The following ARHGAP10 variants were observed in gnomAD, a reference collection of about 807,000 sequenced individuals.
The protein encoded by ARHGAP10 is rho GTPase-activating protein 10.
A neutral mutation model predicts 108.6 loss-of-function variants in ARHGAP10; 87 were observed. That is an observed-to-expected ratio of 0.80 (90% CI 0.67 to 0.96). ARHGAP10 has a LOEUF of 0.96. Ranked by LOEUF, ARHGAP10 falls within the 40% of genes least tolerant of loss-of-function variation. The probability of loss-of-function intolerance (pLI) is 0.00; values close to 1 mark genes in which losing one functional copy is unlikely to be tolerated. For missense variants in ARHGAP10, 939 were observed against 954.5 expected, an observed-to-expected ratio of 0.98 and a Z score of 0.21; for synonymous variants, 347 against 341.1, an observed-to-expected ratio of 1.02 and a Z score of -0.19.
chr4:148,071,373 T>G (rs977569939), intron 22 of ARHGAP10, among the ~76,000 whole-genome samples: 1 of 152,254 alleles, frequency 6.6e-6, no homozygotes, highest in African/African-American at 2.4e-5. Flanking sequence ...CCCAGCACTC[T>G]GGGGGGCCAA....
In ARHGAP10 at chr4:148,003,483, C is replaced by G. The variant is rs1054399830; in HGVS notation, c.1717-19780C>G. Reference sequence around the variant, plus strand: ...CCTGGATATCCTTAACTTTCTGTCTCGTTGATCTGTCTAATGTTGACAGTG... The same window carrying G: ...CCTGGATATCCTTAACTTTCTGTCTGGTTGATCTGTCTAATGTTGACAGTG... On this transcript the variant is annotated intron_variant, in intron 18 of 22. Transcript: ENST00000336498. Among the ~76,000 whole-genome samples, 4 of 152,106 alleles carry G rather than the reference C, an allele frequency of 2.6e-5. No individual in the cohort carries two copies. The South Asian group carries it at 8.3e-4, about 32-fold the overall frequency.
chr4:147,810,658 A>AC (rs1731980165), intron 1 of ARHGAP10, among the ~76,000 whole-genome samples: 1 of 152,184 alleles, frequency 6.6e-6, no homozygotes, highest in Non-Finnish European at 1.5e-5. Flanking sequence ...TGGAGAACCT[A>AC]AATGCACATA....
intron 3 of ARHGAP10, among the ~76,000 whole-genome samples, chr4:147,834,557 A>G (rs1484143189): frequency 1.3e-5 from 2 of 152,160 alleles, no homozygotes; most frequent in African/African-American, 4.8e-5. Context: ...CAATAATGCC[A>G]GACTGGGGAT....
At chr4:147,907,210 G>C (rs988583704) in intron 11 of ARHGAP10, among the ~76,000 whole-genome samples, 1 of 152,156 alleles carries the variant, frequency 6.6e-6, no homozygotes, top group Non-Finnish European at 1.5e-5. Context: ...TCGGTATTCA[G>C]AGTGCTTTGA....
intron 1 of ARHGAP10, among the ~76,000 whole-genome samples, chr4:147,776,387 T>C (rs1022029003): frequency 1.3e-5 from 2 of 152,026 alleles, no homozygotes; most frequent in African/African-American, 4.8e-5. Flanking sequence ...ACCCAGCTAA[T>C]TTTTGTATTT....
At chr4:147,846,156 G>A (rs1359631267) in intron 3 of ARHGAP10, among the ~76,000 whole-genome samples, 3 of 152,116 alleles carry the variant, frequency 2.0e-5, no homozygotes, top group African/African-American at 4.8e-5. Flanking sequence ...GGGCATAGTC[G>A]CTTATTTTGA....
intron 3 of ARHGAP10, among the ~76,000 whole-genome samples, chr4:147,844,935 C>T (rs1009333351): frequency 6.6e-6 from 1 of 152,118 alleles, no homozygotes; most frequent in Non-Finnish European, 1.5e-5. Flanking sequence ...TGTGGCTTTC[C>T]ACTGTACCCC....
intron 19 of ARHGAP10, among the ~76,000 whole-genome samples, chr4:148,030,001 C>CCA (rs147863550): frequency 0.012 from 1,826 of 151,802 alleles, 40 homozygotes; most frequent in African/African-American, 0.042. Context: ...GCATCCCCCC[C>CCA]CCCACCAACC....
Position 148,034,522 on chromosome 4 carries a change from T to C in ARHGAP10, c.1867+11109T>C, listed in dbSNP as rs1578810956. 9.4e-5 allele frequency among the ~76,000 whole-genome samples: 14 copies of C among 149,460 alleles called. 1 individual carries two copies. The South Asian group carries it at 3.0e-3, about 32-fold the overall frequency. On this transcript the variant is annotated intron_variant, in intron 19 of 22. Transcript: ENST00000336498. Reference sequence around the variant, plus strand: ...TTTTTGTATTTTTAGTAGAGACAGGTTTCACCCTGTTGGCCAGGCTGGTCT... The same window carrying C: ...TTTTTGTATTTTTAGTAGAGACAGGCTTCACCCTGTTGGCCAGGCTGGTCT...
chr4:147,879,661 A>G (rs796905915), intron 9 of ARHGAP10, among the ~76,000 whole-genome samples: 6 of 152,152 alleles, frequency 3.9e-5, no homozygotes, highest in African/African-American at 1.4e-4. Context: ...CATCATCTAC[A>G]TTAGATATTT....
intron 3 of ARHGAP10, among the ~76,000 whole-genome samples, chr4:147,834,449 T>A (rs573161148): frequency 5.1e-4 from 77 of 152,212 alleles, no homozygotes; most frequent in African/African-American, 1.8e-3. Flanking sequence ...AGAGTCTGGG[T>A]GATAGAGTGA....
intron 15 of ARHGAP10, among the ~76,000 whole-genome samples, chr4:147,950,285 C>T (rs183405744): frequency 2.6e-5 from 4 of 152,114 alleles, no homozygotes; most frequent in Non-Finnish European, 5.9e-5. Context: ...TTTGGTGATG[C>T]ATCAAATGGG....
intron 20 of ARHGAP10, among the ~76,000 whole-genome samples, chr4:148,061,824 G>T (rs900396111): frequency 2.6e-5 from 4 of 152,190 alleles, no homozygotes; most frequent in African/African-American, 9.7e-5. Flanking sequence ...AAGAGTTAAA[G>T]ATCTTCCTGT....
intron 22 of ARHGAP10, among the ~76,000 whole-genome samples, chr4:148,066,590 G>A (rs767771752): frequency 2.6e-5 from 4 of 152,246 alleles, no homozygotes; most frequent in Non-Finnish European, 5.9e-5. Context: ...TTGTACATAT[G>A]TACACACATG....
chr4:147,773,434 G>C (rs140213720), intron 1 of ARHGAP10, among the ~76,000 whole-genome samples: 1 of 152,124 alleles, frequency 6.6e-6, no homozygotes, highest in African/African-American at 2.4e-5. Context: ...TAGCAAAGGG[G>C]CCATGGAAGG....
intron 18 of ARHGAP10, among the ~76,000 whole-genome samples, chr4:147,972,317 TTAAAAA>T (rs1272584206): frequency 6.6e-6 from 1 of 152,192 alleles, no homozygotes; most frequent in African/African-American, 2.4e-5. Context: ...ATCCATACAC[TTAAAAA>T]TATATATATA....
rs146423921 is a variant in ARHGAP10 at position 148,063,283 on chromosome 4, G to A, written c.2163G>A (p.Ala721=). The part of the protein sequence containing the change: ...PFPFSPPATV[A]DKPPESIRSR... ...CCTTTTCTCCTCCTGCTACTGTAGC[G>A]GACAAGCCACCTGAAAGGTACGTGG... The change falls in exon 21 of 23, where the codon GCG becomes GCA. Residue 721 remains alanine (A), a synonymous_variant. Coordinates refer to ENST00000336498, the MANE Select transcript of ARHGAP10 (RefSeq NM_024605.4). 1.0e-4 allele frequency: 164 copies of A among 1,613,966 alleles called. 1 individual carries two copies. The highest frequency in any genetic ancestry group is 4.8e-4 in the African/African-American group (36 of 74,884).
At chr4:147,840,779 G>A (rs1217306197) in intron 3 of ARHGAP10, among the ~76,000 whole-genome samples, 1 of 152,156 alleles carries the variant, frequency 6.6e-6, no homozygotes, top group Non-Finnish European at 1.5e-5. Flanking sequence ...CGCTACTTTT[G>A]AGTCCCTCTC....
In ARHGAP10 at chr4:147,947,664, A is replaced by G. The variant is rs183774266; in HGVS notation, c.1391+960A>G. On this transcript the variant is annotated intron_variant, in intron 15 of 22. Transcript: ENST00000336498. ...GTGATCTGCCTCCTTTGGCCTCCCAAAGTCCTGGGATTACAGGTGTGAGCC... is the reference window on the plus strand; with the variant it reads ...GTGATCTGCCTCCTTTGGCCTCCCAGAGTCCTGGGATTACAGGTGTGAGCC... 8.9e-3 allele frequency among the ~76,000 whole-genome samples: 1,354 copies of G among 151,770 alleles called. 74 individuals carry two copies. The highest frequency in any genetic ancestry group is 0.084 in the Admixed American group (1,276 of 15,250).
Sources: allele counts gnomAD v4.1 joint callset (sites outside exome capture counted in the v4.1 genomes callset), GRCh38; gene constraint gnomAD v4.1.1; transcripts MANE v1.5; gene names NCBI Gene and HGNC (gene_info 2026-07-23, HGNC 2026-07-21).